DCAF12: variants seen among roughly 807,000 people sequenced by gnomAD.
DCAF12 encodes the protein DDB1 and CUL4 associated factor 12.
Under a neutral mutation model 52.8 loss-of-function variants are expected in DCAF12, and 28 were observed. The ratio of observed to expected loss-of-function variants is 0.53; its 90% confidence interval spans 0.39 to 0.73. DCAF12 has a LOEUF of 0.73. DCAF12 is among the 30% of genes least tolerant of loss of function. The pLI is 0.00. For missense variants in DCAF12, 425 were observed against 552.2 expected (o/e 0.77, Z 2.31); for synonymous variants, 196 against 215.5 (o/e 0.91, Z 0.79).
At chr9:34,092,702 A>G (rs1373875629) in intron 7 of DCAF12, among the ~76,000 whole-genome samples, 1 of 151,760 alleles carries the variant, frequency 6.6e-6, no homozygotes, top group Non-Finnish European at 1.5e-5. Context: ...AAAAACAACA[A>G]CAACAAAAAA....
chr9:34,109,043 G>T lies in DCAF12; in HGVS notation c.334-1478C>A, dbSNP rs562412480. ...TCACTAGGAAAATGGTTTCATTGGA[G>T]TGTCTTTAGAGCTGTGATGTCAAGA... On this transcript the variant is annotated intron_variant, in intron 2 of 8. Coordinates refer to ENST00000361264, the MANE Select transcript of DCAF12 (RefSeq NM_015397.4). The T allele has an allele frequency of 4.7e-5, 7 of 148,576 alleles. No individual in the cohort carries two copies. The East Asian group carries it at 1.4e-3, about 29-fold the overall frequency. The allele number at this position is 148,576 out of a possible 1,614,324, so 9.2% of individuals were successfully genotyped here.
At chr9:34,116,871 C>A (rs990595292) in intron 2 of DCAF12, among the ~76,000 whole-genome samples, 1 of 151,962 alleles carries the variant, frequency 6.6e-6, no homozygotes, top group Non-Finnish European at 1.5e-5. Flanking sequence ...CCCAGCTACT[C>A]GGGAGGATGA....
chr9:34,107,706 G>C (rs1828927158), intron 2 of DCAF12, 141 bp from the exon 3 acceptor site: 1 of 685,072 alleles, frequency 1.5e-6, no homozygotes, highest in Non-Finnish European at 2.5e-6. Flanking sequence ...TTAAAGGCAT[G>C]GTCAGGACTA....
intron 4 of DCAF12, among the ~76,000 whole-genome samples, 188 bp from the exon 5 acceptor site, chr9:34,098,705 T>A (rs1828778824): frequency 1.3e-5 from 2 of 152,248 alleles, no homozygotes; most frequent in African/African-American, 4.8e-5. Flanking sequence ...AGAGAATTAT[T>A]CACCTAAGGT....
At position 34,125,543 on chromosome 9, in the gene DCAF12, G is replaced by A. The variant is rs952605083; in HGVS notation, c.79-266C>T. On this transcript the variant is annotated intron_variant, in intron 1 of 8. Transcript: ENST00000361264. ...AATGCAGAATAGAACAGACTAAAAGGTTTACTAGACATTTTAGGAGTGAAA... is the reference window on the plus strand; with the variant it reads ...AATGCAGAATAGAACAGACTAAAAGATTTACTAGACATTTTAGGAGTGAAA... 7.0e-6 allele frequency: 4 copies of A among 573,838 alleles called. No homozygotes were observed. The African/African-American group carries it at 7.4e-5, about 11-fold the overall frequency. 35.5% of individuals were successfully genotyped at this position (573,838 alleles called of 1,614,324 possible). A position where few individuals can be genotyped will look rare whatever the true frequency, so the allele number is the denominator to read the frequency against.
At chr9:34,113,163 G>A (rs1829031513) in intron 2 of DCAF12, among the ~76,000 whole-genome samples, 1 of 151,618 alleles carries the variant, frequency 6.6e-6, no homozygotes. Context: ...CAATTCTCCT[G>A]CCTCAGCCTC....
intron 2 of DCAF12, among the ~76,000 whole-genome samples, chr9:34,108,530 G>A (rs896882345): frequency 2.6e-5 from 4 of 152,108 alleles, no homozygotes; most frequent in South Asian, 2.1e-4. Context: ...AGTGGCTCAC[G>A]CCTGTAATGC....
chr9:34,109,826 G>T, intron 2 of DCAF12: 5 of 336,624 alleles, frequency 1.5e-5, no homozygotes, highest in Admixed American at 1.5e-4. Context: ...GGCAGCTTTA[G>T]GGGTCGGAAG....
At chr9:34,123,370 A>G (rs996774775) in intron 2 of DCAF12, among the ~76,000 whole-genome samples, 6 of 152,216 alleles carry the variant, frequency 3.9e-5, no homozygotes, top group Admixed American at 6.5e-5. Context: ...CTCACTCAGA[A>G]TATTTCCCAG....
intron 7 of DCAF12, among the ~76,000 whole-genome samples, chr9:34,092,911 T>A (rs1467987439): frequency 6.6e-6 from 1 of 152,006 alleles, no homozygotes; most frequent in African/African-American, 2.4e-5. Context: ...AATGGTGCGA[T>A]CTCAGCTCAC....
At chr9:34,089,744 G>T in intron 7 of DCAF12, 154 bp from the exon 8 acceptor site, 1 of 626,044 alleles carries the variant, frequency 1.6e-6, no homozygotes, top group African/African-American at 1.9e-5. Flanking sequence ...CCAATGGCAA[G>T]TTAGCTCATG....
chr9:34,094,168 G>T (rs1014440613), intron 6 of DCAF12, among the ~76,000 whole-genome samples: 1 of 152,142 alleles, frequency 6.6e-6, no homozygotes, highest in Non-Finnish European at 1.5e-5. Flanking sequence ...ACTTTGGGAG[G>T]CTAAGGCAGG....
At chr9:34,095,451 G>A (rs1386738622) in intron 6 of DCAF12, among the ~76,000 whole-genome samples, 1 of 147,024 alleles carries the variant, frequency 6.8e-6, no homozygotes, top group Non-Finnish European at 1.5e-5. Context: ...CAAAATTACG[G>A]CTCACTGCAG....
chr9:34,105,028 C>A (rs1008934969), intron 4 of DCAF12, among the ~76,000 whole-genome samples: 1 of 150,712 alleles, frequency 6.6e-6, no homozygotes, highest in Non-Finnish European at 1.5e-5. Flanking sequence ...CCGAGGCAGG[C>A]GAATCACTGA....
intron 6 of DCAF12, among the ~76,000 whole-genome samples, chr9:34,094,462 T>G (rs1054147054): frequency 8.6e-5 from 13 of 151,980 alleles, no homozygotes; most frequent in African/African-American, 2.7e-4. Context: ...TATGTAAAAG[T>G]TGCTTGTTGA....
intron 7 of DCAF12, among the ~76,000 whole-genome samples, chr9:34,092,158 G>T (rs1828654486): frequency 6.6e-6 from 1 of 152,130 alleles, no homozygotes; most frequent in East Asian, 1.9e-4. Context: ...ATTTTCTTCA[G>T]CCTTATTGAG....
rs376042195 is a variant in DCAF12, at chr9:34,109,911, G to A, written c.334-2346C>T. ...TTTCTGTGAGCTGGTGGACGGAGAGGGTGACATTGTAGGGCTCTACCACCA... is the reference window on the plus strand; with the variant it reads ...TTTCTGTGAGCTGGTGGACGGAGAGAGTGACATTGTAGGGCTCTACCACCA... On this transcript the variant is annotated intron_variant, in intron 2 of 8. Coordinates refer to ENST00000361264, the MANE Select transcript of DCAF12 (RefSeq NM_015397.4). The A allele has an allele frequency of 7.5e-5, 18 of 240,998 alleles. 1 individual carries two copies. The highest frequency in any genetic ancestry group is 3.7e-4 in the African/African-American group (16 of 43,790). 14.9% of individuals were successfully genotyped at this position (240,998 alleles called of 1,614,324 possible). A position where few individuals can be genotyped will look rare whatever the true frequency, so the allele number is the denominator to read the frequency against.
rs774591187 is a variant in DCAF12, at chr9:34,098,431, G to C, written c.688C>G (p.Pro230Ala). 9.3e-6 allele frequency: 15 copies of C among 1,614,048 alleles called. No individual in the cohort carries two copies. The highest frequency in any genetic ancestry group is 2.7e-5 in the African/African-American group (2 of 74,908). ...TTGTGAGTGATGTGTGCATACACAG[G>C]GACCCGTGACACATTGTGTCTCGCA... ...SDARHNVSRV[P>A]VYAHITHKAL... The change falls in exon 5 of 9, where the codon CCT becomes GCT. Residue 230 changes from proline (P) to alanine (A), a missense_variant. Physicochemically the swap from Pro to Ala is conservative, Grantham distance 27. Coordinates refer to ENST00000361264, the MANE Select transcript of DCAF12 (RefSeq NM_015397.4).
intron 4 of DCAF12, among the ~76,000 whole-genome samples, chr9:34,101,384 ATTAT>A (rs370031210): frequency 1.8e-4 from 24 of 136,568 alleles, no homozygotes; most frequent in Non-Finnish European, 2.4e-4. Context: ...TAATTCCTTT[ATTAT>A]TTATTTATTT....
Sources: gnomAD v4.1 joint callset for allele counts (sites outside exome capture counted in the v4.1 genomes callset) on GRCh38, gnomAD v4.1.1 for gene constraint, MANE v1.5 for transcripts, NCBI Gene and HGNC (gene_info 2026-07-23, HGNC 2026-07-21) for gene names.